PLXNA4: variants seen among roughly 807,000 people sequenced by gnomAD.
PLXNA4 encodes the protein plexin-A4.
PLXNA4 carries 44 observed loss-of-function variants against 191.8 expected under a neutral mutation model. The observed-to-expected ratio is 0.23, with a 90% CI of 0.18 to 0.29. PLXNA4 has a LOEUF of 0.29. Ranked by LOEUF, PLXNA4 falls within the 10% of genes least tolerant of loss-of-function variation. PLXNA4 has a pLI of 1.00. For missense variants in PLXNA4, 1,800 were observed against 2,488.8 expected (o/e 0.72, Z 5.89); for synonymous variants, 1,082 against 1,009.5 (o/e 1.07, Z -1.36).
intron 2 of PLXNA4, among the ~76,000 whole-genome samples, chr7:132,618,555 C>T (rs73432836): frequency 0.037 from 5,662 of 152,282 alleles, 363 homozygotes; most frequent in African/African-American, 0.13. Context: ...TGCTTCCCTC[C>T]AGTTCTGCCT....
chr7:132,151,114 G>A (rs1169423194), intron 25 of PLXNA4, among the ~76,000 whole-genome samples: 1 of 152,074 alleles, frequency 6.6e-6, no homozygotes, highest in Admixed American at 6.6e-5. Flanking sequence ...CTATTATTTT[G>A]TTATGTCCTA....
At chr7:132,542,933 T>C (rs1284743620) in intron 1 of PLXNA4, among the ~76,000 whole-genome samples, 3 of 152,188 alleles carry the variant, frequency 2.0e-5, no homozygotes, top group Non-Finnish European at 4.4e-5. Flanking sequence ...GTAAGCATGG[T>C]TATTTTAAAT....
At chr7:132,135,671 T>A (rs1795090839) in intron 30 of PLXNA4, among the ~76,000 whole-genome samples, 1 of 152,136 alleles carries the variant, frequency 6.6e-6, no homozygotes, top group Admixed American at 6.5e-5. Context: ...TATATATGTG[T>A]GTGTGAGAAA....
intron 2 of PLXNA4, among the ~76,000 whole-genome samples, chr7:132,615,927 A>ATCTCTCTCTATCTC (rs1803145261): frequency 1.2e-5 from 1 of 83,674 alleles, no homozygotes; most frequent in Non-Finnish European, 2.6e-5. Context: ...CAGATAAAGG[A>ATCTCTCTCTATCTC]TCTCTCTCTC....
chr7:132,123,582 T>C lies in PLXNA4; in HGVS notation c.*6897A>G, dbSNP rs1278210270. 1 of 152,124 alleles carries C rather than the reference T, an allele frequency of 6.6e-6. No individual in the cohort carries two copies. Among genetic ancestry groups the C allele is most frequent in the African/African-American group, 2.4e-5 (1 of 41,430 alleles). The allele number at this position is 152,124 out of a possible 1,614,324, so 9.4% of individuals were successfully genotyped here. On this transcript the variant is annotated 3_prime_UTR_variant, in exon 32 of 32. Transcript: ENST00000321063. ...TTACTAGGATACTCTTCTTTAAAAA[T>C]CAAAACCAGAAGACCCTCTTCTTAG...
intron 2 of PLXNA4, among the ~76,000 whole-genome samples, chr7:132,593,951 T>C (rs1802653627): frequency 6.6e-6 from 1 of 152,142 alleles, no homozygotes; most frequent in East Asian, 1.9e-4. Context: ...CAGTTTGCAG[T>C]GATGAAGGGA....
intron 2 of PLXNA4, among the ~76,000 whole-genome samples, chr7:132,620,764 A>C (rs1803244047): frequency 1.3e-5 from 2 of 152,206 alleles, no homozygotes. Flanking sequence ...ACATCCGCTC[A>C]TATAACTCTA....
intron 1 of PLXNA4, among the ~76,000 whole-genome samples, chr7:132,553,567 C>T (rs1800659480): frequency 6.6e-6 from 1 of 152,140 alleles, no homozygotes; most frequent in Admixed American, 6.5e-5. Flanking sequence ...TTGAGAGGTC[C>T]TAGCAAAGCA....
rs749947062 is a variant in PLXNA4, at chr7:132,311,156, TTGTGTGTGTG to T, written c.1372-12944_1372-12935del. On this transcript the variant is annotated intron_variant, in intron 3 of 31. Transcript: ENST00000321063. ...CCAGTTCCTGGGCTATCTAGGATAATTGTGTGTGTGTGTGTGTGTGTGTGTGTGTGTGTGT... is the reference window on the plus strand; with the variant it reads ...CCAGTTCCTGGGCTATCTAGGATAATTGTGTGTGTGTGTGTGTGTGTGTGT... Among the ~76,000 whole-genome samples, 33 of 132,126 alleles carry T rather than the reference TTGTGTGTGTG, an allele frequency of 2.5e-4. No individual in the cohort carries two copies. In the East Asian group the frequency reaches 3.1e-3, roughly 13 times the overall value. 86.7% of individuals were successfully genotyped at this position (132,126 alleles called of 152,430 possible). A position where few individuals can be genotyped will look rare whatever the true frequency, so the allele number is the denominator to read the frequency against.
chr7:132,643,905 T>C (rs1327356707), intron 2 of PLXNA4, among the ~76,000 whole-genome samples: 1 of 151,772 alleles, frequency 6.6e-6, no homozygotes, highest in Admixed American at 6.6e-5. Context: ...TGATCTAAGA[T>C]CGCACCACTA....
At chr7:132,440,014 G>GTA (rs1421579519) in intron 3 of PLXNA4, among the ~76,000 whole-genome samples, 8 of 145,752 alleles carry the variant, frequency 5.5e-5, no homozygotes, top group Non-Finnish European at 7.4e-5. Flanking sequence ...GTGTGTGTAT[G>GTA]TGTGTGTGTG....
chr7:132,198,725 C>A (rs1778717318), intron 12 of PLXNA4, 89 bp from the exon 13 acceptor site: 3 of 1,544,398 alleles, frequency 1.9e-6, no homozygotes, highest in Admixed American at 1.9e-5. Context: ...TGGCTCTTGT[C>A]TCATCTGCCC....
chr7:132,168,666 T>A, intron 21 of PLXNA4, 94 bp from the exon 22 acceptor site: 1 of 1,451,458 alleles, frequency 6.9e-7, no homozygotes, highest in Non-Finnish European at 9.1e-7. Flanking sequence ...CATGACCCTC[T>A]CATCCACCAA....
intron 3 of PLXNA4, among the ~76,000 whole-genome samples, chr7:132,415,123 G>A (rs1314448147): frequency 6.6e-6 from 1 of 152,206 alleles, no homozygotes; most frequent in Non-Finnish European, 1.5e-5. Context: ...TTAGACATCT[G>A]ATTCCTGGGG....
intron 3 of PLXNA4, among the ~76,000 whole-genome samples, chr7:132,338,624 T>C (rs949343075): frequency 6.6e-6 from 1 of 152,226 alleles, no homozygotes; most frequent in Non-Finnish European, 1.5e-5. Flanking sequence ...GACAGCCAGA[T>C]ATCTTCTAAT....
intron 2 of PLXNA4, among the ~76,000 whole-genome samples, chr7:132,598,389 G>A (rs537992964): frequency 2.0e-5 from 3 of 152,300 alleles, no homozygotes; most frequent in Middle Eastern, 3.4e-3. Flanking sequence ...GATTACAGGC[G>A]TGAGCCACTG....
At position 132,159,491 on chromosome 7, in the gene PLXNA4, C is replaced by G; in HGVS notation, c.4642G>C (p.Ala1548Pro). 1 of 1,614,164 alleles carries G rather than the reference C, an allele frequency of 6.2e-7. No individual in the cohort carries two copies. Among genetic ancestry groups the G allele is most frequent in the Non-Finnish European group, 8.5e-7 (1 of 1,180,006 alleles). The change falls in exon 25 of 32, where the codon GCT becomes CCT. Residue 1548 changes from alanine (A) to proline (P), a missense_variant. Around this residue, in one of 6 missense-constraint regions of PLXNA4, gnomAD observed 214 missense variants for 298.2 expected, o/e 0.72. Transcript: ENST00000321063. ...TACTCACCCAGATCCATATCTGCAG[C>G]TTTGGGCCGGTGGGAGCAAGGCACA... ...KNVPCSHRPK[A>P]ADMDLEWRQG...
intron 20 of PLXNA4, among the ~76,000 whole-genome samples, chr7:132,176,834 G>T (rs977862880): frequency 6.6e-6 from 1 of 152,014 alleles, no homozygotes; most frequent in Non-Finnish European, 1.5e-5. Flanking sequence ...ATGCAAGTAC[G>T]AATGTGAGTG....
At chr7:132,598,572 G>A (rs1802760192) in intron 2 of PLXNA4, among the ~76,000 whole-genome samples, 1 of 152,094 alleles carries the variant, frequency 6.6e-6, no homozygotes, top group Non-Finnish European at 1.5e-5. Flanking sequence ...AGTTGTTAAG[G>A]TTTCCTCTTT....
Sources: gnomAD v4.1 joint callset for allele counts (sites outside exome capture counted in the v4.1 genomes callset) on GRCh38, gnomAD v4.1.1 for gene constraint, gnomAD v4.1.1 regional missense constraint, MANE v1.5 for transcripts, NCBI Gene and HGNC (gene_info 2026-07-23, HGNC 2026-07-21) for gene names.